The following GET4 variants were observed in gnomAD, a reference collection of about 807,000 sequenced individuals.
GET4 encodes the protein Golgi to ER traffic protein 4 homolog.
Under a neutral mutation model 40.0 loss-of-function variants are expected in GET4, and 20 were observed. The observed-to-expected ratio is 0.50, with a 90% CI of 0.35 to 0.73. The LOEUF (loss-of-function observed/expected upper bound fraction) is 0.73, where lower values mean the gene tolerates loss of function less well. Among genes scored for constraint, GET4 ranks in the 30% least tolerant of loss-of-function variants. GET4 has a pLI of 0.01. For missense variants in GET4, 557 were observed against 454.0 expected (o/e 1.23, Z -2.06); for synonymous variants, 280 against 194.6 (o/e 1.44, Z -3.65).
intron 1 of GET4, chr7:880,952 C>T (rs752065221): frequency 6.6e-6 from 1 of 152,246 alleles, no homozygotes; most frequent in Non-Finnish European, 1.5e-5. Flanking sequence ...GCAGCCTCTG[C>T]CTCTTGGGTT....
Position 887,362 on chromosome 7 carries a change from G to T in GET4, c.317-8G>T. 6.3e-7 allele frequency: 1 copy of T among 1,575,856 alleles called. No homozygotes were observed. Among genetic ancestry groups the T allele is most frequent in the Non-Finnish European group, 8.6e-7 (1 of 1,158,058 alleles). On this transcript the variant is annotated splice_polypyrimidine_tract_variant and splice_region_variant and intron_variant, in intron 3 of 8. Coordinates refer to ENST00000265857, the MANE Select transcript of GET4 (RefSeq NM_015949.3). ...CGTTCCTCTGATGAGGGTCTGTGCT[G>T]TTTGCAGAAAATCTGGCTAAAGTGT... is the stretch of plus-strand genomic sequence containing the variant.
At chr7:891,618 G>A (rs981230679) in intron 5 of GET4, among the ~76,000 whole-genome samples, 2 of 152,230 alleles carry the variant, frequency 1.3e-5, no homozygotes, top group African/African-American at 2.4e-5. Context: ...CCTTTCTCAC[G>A]AAAGCCTTAC....
chr7:884,207 C>T (rs1035852036), intron 1 of GET4: 7 of 1,303,270 alleles, frequency 5.4e-6, no homozygotes, highest in African/African-American at 4.6e-5. Flanking sequence ...TCGGTGCATG[C>T]GGTTCTGCCC....
chr7:876,682 G>T lies in GET4; in HGVS notation c.37G>T (p.Ala13Ser), dbSNP rs753026890. Residue 13 changes from alanine to serine, a missense_variant, in exon 1 of 9, where the codon GCC becomes TCC. Transcript: ENST00000265857. Reference protein sequence around the residue: ...AAAAMAEQESARNGGRNRGGV... With the variant: ...AAAAMAEQESSRNGGRNRGGV... The stretch of plus-strand genomic sequence containing the variant: ...GGCGGCGATGGCCGAGCAGGAGAGC[G>T]CCCGGAACGGCGGCCGCAACCGCGG... 41 of 1,341,646 alleles carry T rather than the reference G, an allele frequency of 3.1e-5. No homozygotes were observed. In the African/African-American group the frequency reaches 4.2e-4, roughly 14 times the overall value. 83.1% of individuals were successfully genotyped at this position (1,341,646 alleles called of 1,614,324 possible).
At chr7:885,543 C>A (rs1222786619) in intron 1 of GET4, 3 of 156,198 alleles carry the variant, frequency 1.9e-5, no homozygotes, top group African/African-American at 7.2e-5. Flanking sequence ...ACCCTTCCCT[C>A]CCGTGGGGGG....
rs1562895431 is a variant in GET4, at chr7:887,527, TG to T, written c.466+12del. On this transcript the variant is annotated intron_variant, in intron 4 of 8. Coordinates refer to ENST00000265857, the MANE Select transcript of GET4 (RefSeq NM_015949.3). Reference sequence around the variant, plus strand: ...CCCTCACCCTGTGGAAAGGTAGGCCTGGGGCCAGGGCAGGCGTGGGCACCTC... The same window carrying T: ...CCCTCACCCTGTGGAAAGGTAGGCCTGGGCCAGGGCAGGCGTGGGCACCTC... 14 of 1,523,680 alleles carry T rather than the reference TG, an allele frequency of 9.2e-6. No homozygotes were observed. Among genetic ancestry groups the T allele is most frequent in the Non-Finnish European group, 1.1e-5 (13 of 1,137,586 alleles). The allele number at this position is 1,523,680 out of a possible 1,614,324, so 94.4% of individuals were successfully genotyped here.
Position 895,373 on chromosome 7 carries a change from A to C in GET4, c.935A>C (p.Glu312Ala). 6.3e-7 allele frequency: 1 copy of C among 1,599,980 alleles called. No individual in the cohort carries two copies. The highest frequency in any genetic ancestry group is 1.1e-5 in the South Asian group (1 of 90,340). ...LTSLMGSSEQ[E>A]DGEESPSDGS... ...AGCCTCATGGGCTCCTCAGAGCAGGAGGATGGGGAGGAGAGCCCCAGCGAC... is the reference window on the plus strand; with the variant it reads ...AGCCTCATGGGCTCCTCAGAGCAGGCGGATGGGGAGGAGAGCCCCAGCGAC... The change falls in exon 9 of 9, where the codon GAG becomes GCG. Residue 312 changes from glutamate (E) to alanine (A), a missense_variant. Coordinates refer to ENST00000265857, the MANE Select transcript of GET4 (RefSeq NM_015949.3).
At chr7:878,272 G>A (rs1197439582) in intron 1 of GET4, 2 of 471,082 alleles carry the variant, frequency 4.2e-6, no homozygotes, top group South Asian at 1.5e-5. Flanking sequence ...CTTCAGGACT[G>A]CTCTGTTCCA....
chr7:888,148 C>T (rs1159415811), intron 4 of GET4, among the ~76,000 whole-genome samples: 2 of 152,176 alleles, frequency 1.3e-5, no homozygotes, highest in Non-Finnish European at 1.5e-5. Flanking sequence ...CTCGGGTCTG[C>T]ATGTGCCTGG....
Position 892,889 on chromosome 7 carries a change from C to T in GET4, c.746+471C>T, listed in dbSNP as rs10249145. ...TGCAGGTATGTGTGTTGTGTGTAGA[C>T]GTGTGGGTAGCTGTGGGGGTGTGCA... On this transcript the variant is annotated intron_variant, in intron 6 of 8. Coordinates refer to ENST00000265857, the MANE Select transcript of GET4 (RefSeq NM_015949.3). 3.5e-3 allele frequency among the ~76,000 whole-genome samples: 507 copies of T among 145,304 alleles called. 4 individuals are homozygous for T. Among genetic ancestry groups the T allele is most frequent in the African/African-American group, 0.012 (468 of 38,764 alleles).
intron 1 of GET4, chr7:885,667 C>T (rs529133006): frequency 5.5e-6 from 1 of 181,506 alleles, no homozygotes; most frequent in East Asian, 1.6e-4. Context: ...GCCCCCCATC[C>T]TTTGGCTCCT....
At chr7:891,802 C>A (rs1844328370) in intron 5 of GET4, among the ~76,000 whole-genome samples, 1 of 152,260 alleles carries the variant, frequency 6.6e-6, no homozygotes, top group South Asian at 2.1e-4. Context: ...ACCCAGAGCT[C>A]CCTGGCTCTG....
chr7:891,091 C>T, intron 5 of GET4, 25 bp downstream of exon 5: 1 of 1,558,656 alleles, frequency 6.4e-7, no homozygotes. Flanking sequence ...CTCTTCGGGT[C>T]TCGGCTTCCA....
chr7:884,803 G>A (rs1168538637), intron 1 of GET4: 1 of 158,626 alleles, frequency 6.3e-6, no homozygotes, highest in Middle Eastern at 2.9e-3. Flanking sequence ...TTTGTTTTGG[G>A]GGGATGGCGC....
chr7:887,128 C>T, intron 3 of GET4: 1 of 674,580 alleles, frequency 1.5e-6, no homozygotes, highest in Non-Finnish European at 2.8e-6. Context: ...CCCACGGCAC[C>T]TTCCCCAGCC....
At chr7:884,770 C>G (rs979918570) in intron 1 of GET4, 1 of 159,128 alleles carries the variant, frequency 6.3e-6, no homozygotes, top group Non-Finnish European at 1.4e-5. Context: ...TTTATCACCT[C>G]CACTGCAATT....
intron 8 of GET4, among the ~76,000 whole-genome samples, chr7:895,027 TG>T (rs1394148318): frequency 1.3e-5 from 2 of 151,938 alleles, no homozygotes; most frequent in Non-Finnish European, 2.9e-5. Flanking sequence ...TGGCTCCTGT[TG>T]GTGGGTGTGG....
chr7:895,342 C>T lies in GET4; in HGVS notation c.904C>T (p.Leu302=), dbSNP rs151174105. The change falls in exon 9 of 9, where the codon CTG becomes TTG. Residue 302 remains leucine (L), a synonymous_variant. Transcript: ENST00000265857. ...GGTGTTCTTCTTTCCAGGGAACCTT[C>T]TGACCAGCCTCATGGGCTCCTCAGA... ...SSYGGLLGNL[L]TSLMGSSEQE... The T allele has an allele frequency of 5.2e-4, 821 of 1,566,326 alleles. 2 individuals are homozygous for T. The highest frequency in any genetic ancestry group is 8.3e-4 in the Admixed American group (49 of 58,712).
chr7:895,586 G>A lies in GET4; in HGVS notation c.*164G>A. On this transcript the variant is annotated 3_prime_UTR_variant, in exon 9 of 9. Coordinates refer to ENST00000265857, the MANE Select transcript of GET4 (RefSeq NM_015949.3). ...CTGTGCGGCGGCTCAGGGTGGCGCGGCTGCTGCTCACTGTGCTGCTGGGAC... is the reference window on the plus strand; with the variant it reads ...CTGTGCGGCGGCTCAGGGTGGCGCGACTGCTGCTCACTGTGCTGCTGGGAC... The A allele has an allele frequency of 2.0e-6, 1 of 494,540 alleles. No homozygotes were observed. Among genetic ancestry groups the A allele is most frequent in the Non-Finnish European group, 3.6e-6 (1 of 275,060 alleles). The allele number at this position is 494,540 out of a possible 1,614,324, so 30.6% of individuals were successfully genotyped here.
Sources: gnomAD v4.1 joint callset for allele counts (sites outside exome capture counted in the v4.1 genomes callset) on GRCh38, gnomAD v4.1.1 for gene constraint, MANE v1.5 for transcripts, NCBI Gene and HGNC (gene_info 2026-07-23, HGNC 2026-07-21) for gene names.